AGAP1: variants seen among roughly 807,000 people sequenced by gnomAD.
AGAP1 encodes ArfGAP with GTPase domain, ankyrin repeat and PH domain 1, also known as arf-GAP with GTPase, ANK repeat and PH domain-containing protein 1.
A neutral mutation model predicts 105.3 loss-of-function variants in AGAP1; 29 were observed. The ratio of observed to expected loss-of-function variants is 0.28; its 90% CI spans 0.21 to 0.38. The LOEUF (loss-of-function observed/expected upper bound fraction) is 0.38. Among genes scored for constraint, AGAP1 ranks in the 10% least tolerant of loss-of-function variants. AGAP1 has a pLI of 1.00. For missense variants in AGAP1, 998 were observed against 1,165.1 expected (o/e 0.86, Z 2.09); for synonymous variants, 509 against 485.9 (o/e 1.05, Z -0.63).
In AGAP1 at chr2:235,601,850, C is replaced by T. The variant is rs1945741559; in HGVS notation, c.163+107001C>T. 6.6e-6 allele frequency among the ~76,000 whole-genome samples: 1 copy of T among 152,198 alleles called. No individual in the cohort carries two copies. The highest frequency in any genetic ancestry group is 1.5e-5 in the Non-Finnish European group (1 of 68,024). On this transcript the variant is annotated intron_variant, in intron 1 of 17. Coordinates refer to ENST00000304032, the MANE Select transcript of AGAP1 (RefSeq NM_001037131.3). The surrounding 1 kb of genome is among the most constrained non-coding windows in gnomAD (Gnocchi z 4.4). ...AGGCCCTGTTTTTCTGGTACAGTCA[C>T]ACTGGAGGTTCAACACAATCCAGCC...
At chr2:236,084,155 G>A (rs1247212558) in intron 16 of AGAP1, among the ~76,000 whole-genome samples, 2 of 152,136 alleles carry the variant, frequency 1.3e-5, no homozygotes, top group Non-Finnish European at 2.9e-5. Context: ...GTCTTGGAGT[G>A]GGGCTGGGAG....
chr2:235,857,796 C>T (rs1053191579), intron 9 of AGAP1, among the ~76,000 whole-genome samples: 3 of 152,186 alleles, frequency 2.0e-5, no homozygotes, highest in Admixed American at 2.0e-4. Flanking sequence ...GTAGTACAGT[C>T]GTCATTTGGG....
At chr2:235,661,835 G>A (rs1385558318) in intron 1 of AGAP1, among the ~76,000 whole-genome samples, 1 of 152,208 alleles carries the variant, frequency 6.6e-6, no homozygotes, top group Non-Finnish European at 1.5e-5. Context: ...GTGATACAGT[G>A]ATGTCCCTTG....
chr2:236,021,637 T>C (rs2056887343), intron 13 of AGAP1, among the ~76,000 whole-genome samples: 1 of 152,228 alleles, frequency 6.6e-6, no homozygotes, highest in Non-Finnish European at 1.5e-5. Context: ...ACAGGGTATC[T>C]GGGACAGAGA....
intron 1 of AGAP1, among the ~76,000 whole-genome samples, chr2:235,587,793 G>A (rs1945169499): frequency 6.6e-6 from 1 of 151,666 alleles, no homozygotes; most frequent in South Asian, 2.1e-4. Context: ...TTTCACTTAA[G>A]TACGGGCTTA....
intron 16 of AGAP1, among the ~76,000 whole-genome samples, chr2:236,094,158 A>G (rs2059131088): frequency 6.6e-6 from 1 of 152,108 alleles, no homozygotes; most frequent in Non-Finnish European, 1.5e-5. Context: ...GACAAGACTG[A>G]TCAAAAGCTG....
rs74758952 is a variant in AGAP1 at position 236,119,424 on chromosome 2, C to T, written c.2115-768C>T. On this transcript the variant is annotated intron_variant, in intron 16 of 17. Coordinates refer to ENST00000304032, the MANE Select transcript of AGAP1 (RefSeq NM_001037131.3). The surrounding 1 kb of genome is among the most constrained non-coding windows in gnomAD (Gnocchi z 6.6). ...CTGCTAAACCTCCTCATTGGAGTCTCCACCCTCTCCTGCGTGAGTCTGTTG... is the reference window on the plus strand; with the variant it reads ...CTGCTAAACCTCCTCATTGGAGTCTTCACCCTCTCCTGCGTGAGTCTGTTG... 0.027 allele frequency among the ~76,000 whole-genome samples: 4,158 copies of T among 152,292 alleles called. 187 individuals are homozygous for T. Among genetic ancestry groups the T allele is most frequent in the African/African-American group, 0.095 (3,959 of 41,536 alleles).
chr2:235,511,388 CAG>C (rs1315550476), intron 1 of AGAP1, among the ~76,000 whole-genome samples: 1 of 152,026 alleles, frequency 6.6e-6, no homozygotes, highest in Non-Finnish European at 1.5e-5. Context: ...GCCAGGCCCT[CAG>C]GGAGGGGGGC....
intron 13 of AGAP1, among the ~76,000 whole-genome samples, chr2:235,995,252 T>C (rs182976052): frequency 1.3e-5 from 2 of 151,860 alleles, no homozygotes; most frequent in Middle Eastern, 3.5e-3. Flanking sequence ...CAGTGGCTCA[T>C]GCCTGTAATC....
At chr2:235,698,748 T>G (rs576227784) in intron 1 of AGAP1, among the ~76,000 whole-genome samples, 1 of 152,342 alleles carries the variant, frequency 6.6e-6, no homozygotes, top group South Asian at 2.1e-4. Flanking sequence ...GCGCTCAGTG[T>G]GTTCCTACAG....
intron 10 of AGAP1, among the ~76,000 whole-genome samples, chr2:235,903,312 T>C (rs1040918208): frequency 7.2e-5 from 11 of 152,224 alleles, no homozygotes; most frequent in Non-Finnish European, 1.5e-4. Context: ...TGGAGTATGC[T>C]GATTACATTT....
rs1457197224 is a variant in AGAP1 at position 235,578,527 on chromosome 2, C to T, written c.163+83678C>T. ...ACAGACTGGACGCAGTGGCTTATGC[C>T]ACCCCAGCACTTTGGGAGGCTGAGG... On this transcript the variant is annotated intron_variant, in intron 1 of 17. Transcript: ENST00000304032. The surrounding 1 kb of genome is among the most constrained non-coding windows in gnomAD (Gnocchi z 4.9). Among the ~76,000 whole-genome samples, 1 of 152,160 alleles carries T rather than the reference C, an allele frequency of 6.6e-6. No homozygotes were observed. Among genetic ancestry groups the T allele is most frequent in the East Asian group, 1.9e-4 (1 of 5,192 alleles).
intron 16 of AGAP1, chr2:236,049,552 T>C: frequency 3.1e-6 from 1 of 319,206 alleles, no homozygotes; most frequent in Non-Finnish European, 5.8e-6. Context: ...ACCTTATGAA[T>C]ATATTACTTT....
chr2:235,501,321 G>A (rs775368253), intron 1 of AGAP1, among the ~76,000 whole-genome samples: 7 of 152,104 alleles, frequency 4.6e-5, no homozygotes, highest in Non-Finnish European at 7.3e-5. Context: ...CTTGTCTTTC[G>A]GAGATTGTTG....
At chr2:236,004,902 C>G (rs777011138) in intron 13 of AGAP1, among the ~76,000 whole-genome samples, 1 of 152,192 alleles carries the variant, frequency 6.6e-6, no homozygotes, top group Non-Finnish European at 1.5e-5. Flanking sequence ...TCAAATACTT[C>G]TAGCCTTTAA....
chr2:235,605,309 ATTG>A (rs1241166542), intron 1 of AGAP1, among the ~76,000 whole-genome samples: 3 of 152,188 alleles, frequency 2.0e-5, no homozygotes, highest in East Asian at 1.9e-4. Context: ...CTTCATTTAT[ATTG>A]TTGTTCTTAA....
chr2:235,695,385 C>T (rs1014994785), intron 1 of AGAP1, among the ~76,000 whole-genome samples: 1 of 152,210 alleles, frequency 6.6e-6, no homozygotes, highest in Non-Finnish European at 1.5e-5. Flanking sequence ...ATCCCCTACC[C>T]CCGTCCCTCA....
Position 235,891,097 on chromosome 2 carries a change from G to T in AGAP1, c.1155+7648G>T, listed in dbSNP as rs147243146. 5.9e-3 allele frequency among the ~76,000 whole-genome samples: 901 copies of T among 152,250 alleles called. 4 individuals are homozygous for T. Among genetic ancestry groups the T allele is most frequent in the African/African-American group, 0.021 (856 of 41,548 alleles). The stretch of plus-strand genomic sequence containing the variant: ...GGCCAACTGCCCTGGTTTTCTGCAG[G>T]ACTGAGGGGTTCCCAGGGTGCAGGA... On this transcript the variant is annotated intron_variant, in intron 10 of 17. Transcript: ENST00000304032. This position sits in a 1 kb window ranked among gnomAD's most constrained non-coding sequence, Gnocchi z 4.2.
chr2:235,557,978 A>G lies in AGAP1; in HGVS notation c.163+63129A>G, dbSNP rs558651011. ...TCCAGAGGCTGCCTGTTTGTAAAAT[A>G]ATAGGTTTAGATGAACAAAGTGGTC... On this transcript the variant is annotated intron_variant, in intron 1 of 17. Transcript: ENST00000304032. The surrounding 1 kb of genome is among the most constrained non-coding windows in gnomAD (Gnocchi z 4.7). Among the ~76,000 whole-genome samples, 9 of 152,242 alleles carry G rather than the reference A, an allele frequency of 5.9e-5. No individual in the cohort carries two copies. In the South Asian group the frequency reaches 1.9e-3, roughly 32 times the overall value.
Sources: allele counts gnomAD v4.1 joint callset (sites outside exome capture counted in the v4.1 genomes callset), GRCh38; gene constraint gnomAD v4.1.1; non-coding constraint Gnocchi (gnomAD v3.1); transcripts MANE v1.5; gene names NCBI Gene and HGNC (gene_info 2026-07-23, HGNC 2026-07-21).